SMAD1: variants seen among roughly 807,000 people sequenced by gnomAD.
The protein encoded by SMAD1 is MAD, mothers against decapentaplegic homolog 1.
In SMAD1, 6 loss-of-function variants were observed where a neutral mutation model predicts 41.6. The observed-to-expected ratio is 0.14, with a 90% confidence interval of 0.08 to 0.28. The LOEUF is 0.28. Among genes scored for constraint, SMAD1 ranks in the 10% least tolerant of loss-of-function variants. The pLI is 1.00. For synonymous variants in SMAD1, 206 were observed against 203.2 expected (o/e 1.01, Z -0.12); for missense variants, 379 against 582.6 (o/e 0.65, Z 3.60).
At chr4:145,493,590 C>T (rs1304201330) in intron 1 of SMAD1, among the ~76,000 whole-genome samples, 4 of 152,138 alleles carry the variant, frequency 2.6e-5, no homozygotes, top group African/African-American at 4.8e-5. Flanking sequence ...AGCATTTATT[C>T]GCATTCATTT....
intron 1 of SMAD1, among the ~76,000 whole-genome samples, chr4:145,490,450 T>TTA (rs1728712215): frequency 6.6e-6 from 1 of 152,106 alleles, no homozygotes; most frequent in Non-Finnish European, 1.5e-5. Context: ...TATAGAGAAG[T>TTA]CAAATTCTAA....
intron 6 of SMAD1, among the ~76,000 whole-genome samples, chr4:145,554,250 A>G (rs896473522): frequency 2.0e-5 from 3 of 152,168 alleles, no homozygotes; most frequent in Admixed American, 6.5e-5. Context: ...TTAAATATCA[A>G]TAGCAGTAGG....
chr4:145,556,491 C>G (rs1470341742), intron 6 of SMAD1, among the ~76,000 whole-genome samples: 1 of 152,048 alleles, frequency 6.6e-6, no homozygotes, highest in Non-Finnish European at 1.5e-5. Context: ...CAGTCTCGCT[C>G]TGTCGCCCAG....
At chr4:145,505,011 G>A (rs185688518) in intron 1 of SMAD1, among the ~76,000 whole-genome samples, 2 of 152,134 alleles carry the variant, frequency 1.3e-5, no homozygotes, top group East Asian at 1.9e-4. Flanking sequence ...ATAATCTTCT[G>A]TGAGTCTGTG....
At chr4:145,547,052 T>G in intron 5 of SMAD1, 128 bp downstream of exon 5, 1 of 744,004 alleles carries the variant, frequency 1.3e-6, no homozygotes, top group Non-Finnish European at 2.3e-6. Flanking sequence ...TTGCTGCAGT[T>G]TGTAAATATT....
intron 1 of SMAD1, among the ~76,000 whole-genome samples, chr4:145,488,791 A>G (rs1158740478): frequency 6.6e-6 from 1 of 152,198 alleles, no homozygotes; most frequent in African/African-American, 2.4e-5. Flanking sequence ...TATTCCCTGA[A>G]TATTTATTAG....
chr4:145,527,582 A>G (rs903133490), intron 2 of SMAD1, among the ~76,000 whole-genome samples: 3 of 152,078 alleles, frequency 2.0e-5, no homozygotes, highest in Non-Finnish European at 4.4e-5. Flanking sequence ...GGCTACTGAT[A>G]TGTAGAATTT....
chr4:145,499,306 T>C (rs1729290459), intron 1 of SMAD1, among the ~76,000 whole-genome samples: 1 of 152,210 alleles, frequency 6.6e-6, no homozygotes, highest in Non-Finnish European at 1.5e-5. Context: ...AAAACTTTTT[T>C]GTGCACAAAA....
At position 145,557,108 on chromosome 4, in the gene SMAD1, A is replaced by C. The variant is rs577516728; in HGVS notation, c.1255-683A>C. ...AACTTCACATTCATTGTCCACCCTC[A>C]CCAATGAGTTTTTGATCTTTGCAGT... On this transcript the variant is annotated intron_variant, in intron 6 of 6. Coordinates refer to ENST00000302085, the MANE Select transcript of SMAD1 (RefSeq NM_005900.3). Among the ~76,000 whole-genome samples, 3 of 152,260 alleles carry C rather than the reference A, an allele frequency of 2.0e-5. No homozygotes were observed. In the East Asian group the frequency reaches 5.8e-4, roughly 29 times the overall value.
Position 145,514,852 on chromosome 4 carries a change from G to A in SMAD1, c.239G>A (p.Arg80Gln). 1.9e-6 allele frequency: 3 copies of A among 1,614,036 alleles called. No individual in the cohort carries two copies. Among genetic ancestry groups the A allele is most frequent in the Non-Finnish European group, 2.5e-6 (3 of 1,180,008 alleles). ...SLDGRLQVSH[R>Q]KGLPHVIYCR... ...GATGGCAGGCTGCAAGTCTCCCACCGGAAGGGACTGCCTCATGTCATTTAC... is the reference window on the plus strand; with the variant it reads ...GATGGCAGGCTGCAAGTCTCCCACCAGAAGGGACTGCCTCATGTCATTTAC... Residue 80 changes from arginine to glutamine, a missense_variant, in exon 2 of 7, where the codon CGG (arginine) becomes CAG (glutamine). Coordinates refer to ENST00000302085, the MANE Select transcript of SMAD1 (RefSeq NM_005900.3). The surrounding 1 kb of genome is among the most constrained non-coding windows in gnomAD (Gnocchi z 4.7).
intron 2 of SMAD1, among the ~76,000 whole-genome samples, chr4:145,525,530 G>T (rs753149161): frequency 4.6e-5 from 7 of 152,190 alleles, no homozygotes; most frequent in Non-Finnish European, 1.0e-4. Flanking sequence ...TGCCAGTTTG[G>T]CTGGGGATTG....
Position 145,518,361 on chromosome 4 carries a change from C to T in SMAD1, c.400+3348C>T, listed in dbSNP as rs185341430. 3.8e-4 allele frequency among the ~76,000 whole-genome samples: 47 copies of T among 124,146 alleles called. 13 individuals are homozygous for T. The highest frequency in any genetic ancestry group is 3.6e-3 in the Middle Eastern group (1 of 276). 81.4% of individuals were successfully genotyped at this position (124,146 alleles called of 152,430 possible). ...AAAATAAGCCTGGCGAGGTGGGGGG[C>T]GCCTGTAATCCCAGCTACTCGGGAG... On this transcript the variant is annotated intron_variant, in intron 2 of 6. Transcript: ENST00000302085.
At chr4:145,548,773 C>T (rs1732395398) in intron 5 of SMAD1, among the ~76,000 whole-genome samples, 1 of 151,986 alleles carries the variant, frequency 6.6e-6, no homozygotes, top group African/African-American at 2.4e-5. Flanking sequence ...GAGTGTTTAC[C>T]CTCAAACTGC....
At chr4:145,511,772 T>C (rs1730093821) in intron 1 of SMAD1, among the ~76,000 whole-genome samples, 1 of 152,194 alleles carries the variant, frequency 6.6e-6, no homozygotes, top group Admixed American at 6.5e-5. Flanking sequence ...GTACATATAT[T>C]TTAAACATCA....
intron 5 of SMAD1, among the ~76,000 whole-genome samples, chr4:145,550,606 C>A (rs980171311): frequency 6.6e-6 from 1 of 152,058 alleles, no homozygotes; most frequent in African/African-American, 2.4e-5. Flanking sequence ...TATATGAGTG[C>A]CTTTCTCCCT....
intron 1 of SMAD1, among the ~76,000 whole-genome samples, chr4:145,500,950 A>G (rs146204411): frequency 2.2e-4 from 34 of 152,308 alleles, no homozygotes; most frequent in African/African-American, 8.2e-4. Context: ...TGGAAAAGCA[A>G]ATTGAGGCTC....
At chr4:145,523,754 A>T (rs1160750559) in intron 2 of SMAD1, among the ~76,000 whole-genome samples, 3 of 152,186 alleles carry the variant, frequency 2.0e-5, no homozygotes, top group African/African-American at 7.2e-5. Context: ...GGTTCCGGGC[A>T]GAGCCACTGA....
chr4:145,524,644 A>C (rs142897485), intron 2 of SMAD1, among the ~76,000 whole-genome samples: 188 of 152,150 alleles, frequency 1.2e-3, no homozygotes, highest in Non-Finnish European at 1.9e-3. Context: ...TTTTCTTCTT[A>C]TTCTATTTCT....
chr4:145,533,279 G>T (rs1357239197), intron 2 of SMAD1, among the ~76,000 whole-genome samples: 1 of 152,190 alleles, frequency 6.6e-6, no homozygotes, highest in African/African-American at 2.4e-5. Context: ...AACATTTATT[G>T]TCCAAGCCAG....
Sources: allele counts gnomAD v4.1 joint callset (sites outside exome capture counted in the v4.1 genomes callset), GRCh38; gene constraint gnomAD v4.1.1; non-coding constraint Gnocchi (gnomAD v3.1); transcripts MANE v1.5; gene names NCBI Gene and HGNC (gene_info 2026-07-23, HGNC 2026-07-21).